The following RPS6KA6 variants were observed in gnomAD, a reference collection of about 807,000 sequenced individuals.
RPS6KA6 encodes the protein ribosomal protein S6 kinase alpha-6.
In RPS6KA6, 27 loss-of-function variants were observed where a neutral mutation model predicts 65.4. The ratio of observed to expected loss-of-function variants is 0.41; its 90% CI spans 0.30 to 0.57. The LOEUF is 0.57. Among genes scored for constraint, RPS6KA6 ranks in the 20% least tolerant of loss-of-function variants. The pLI is 0.24. For missense variants in RPS6KA6, 486 were observed against 555.6 expected, an observed-to-expected ratio of 0.87 and a Z score of 1.26; for synonymous variants, 190 against 184.2, an observed-to-expected ratio of 1.03 and a Z score of -0.26.
intron 1 of RPS6KA6, among the ~76,000 whole-genome samples, chrX:84,182,778 G>A (rs905528177): frequency 2.3e-4 from 26 of 111,608 alleles, no homozygotes; most frequent in African/African-American, 7.2e-4. Context: ...ACTCCTCCCC[G>A]CTTGTCTATT....
intron 18 of RPS6KA6, among the ~76,000 whole-genome samples, chrX:84,101,213 A>T (rs910182783): frequency 9.0e-6 from 1 of 111,430 alleles, no homozygotes; most frequent in Non-Finnish European, 1.9e-5. Context: ...TATCCATAAC[A>T]TATAAGAACA....
At chrX:84,179,105 T>C (rs1175403117) in intron 1 of RPS6KA6, among the ~76,000 whole-genome samples, 1 of 111,291 alleles carries the variant, frequency 9.0e-6, no homozygotes, top group Non-Finnish European at 1.9e-5. Context: ...TTCAAAAAAT[T>C]TGAAAAGACA....
In RPS6KA6 at chrX:84,180,923, T is replaced by C. The variant is rs181582676; in HGVS notation, c.81+6896A>G. Among the ~76,000 whole-genome samples the C allele has an allele frequency of 5.7e-3, 642 of 111,992 alleles. 4 individuals are homozygous for C. The highest frequency in any genetic ancestry group is 0.02 in the African/African-American group (618 of 30,903). ...AACTTGCATGTATCTTTCTATTCTG[T>C]TAAAAAGACATAACTGTCTTACCAA... On this transcript the variant is annotated intron_variant, in intron 1 of 21. Coordinates refer to ENST00000262752, the MANE Select transcript of RPS6KA6 (RefSeq NM_014496.5).
intron 1 of RPS6KA6, among the ~76,000 whole-genome samples, chrX:84,185,459 T>C (rs896632815): frequency 2.7e-5 from 3 of 111,915 alleles, no homozygotes; most frequent in African/African-American, 9.7e-5. Context: ...AAAATATAAG[T>C]ACCCTTAATA....
chrX:84,091,840 T>C (rs1319842042), intron 20 of RPS6KA6, among the ~76,000 whole-genome samples: 1 of 111,902 alleles, frequency 8.9e-6, no homozygotes, highest in Non-Finnish European at 1.9e-5. Flanking sequence ...ATATACACCA[T>C]GGAATACTAT....
intron 20 of RPS6KA6, among the ~76,000 whole-genome samples, chrX:84,076,974 CAAAAG>C: frequency 9.1e-6 from 1 of 110,032 alleles, no homozygotes; most frequent in Middle Eastern, 4.7e-3. Flanking sequence ...ATACTAGCAA[CAAAAG>C]AAAATAAAAT....
chrX:84,115,795 T>A (rs113581961), intron 12 of RPS6KA6, among the ~76,000 whole-genome samples: 5,639 of 111,591 alleles, frequency 0.051, 196 homozygotes, highest in East Asian at 0.2. Flanking sequence ...AAAATCATTA[T>A]CTTTGCAGCA....
chrX:84,167,294 G>T lies in RPS6KA6; in HGVS notation c.82-2907C>A, dbSNP rs894118138. On this transcript the variant is annotated intron_variant, in intron 1 of 21. Coordinates refer to ENST00000262752, the MANE Select transcript of RPS6KA6 (RefSeq NM_014496.5). ...CTTTATTTATCATTGTCATAAATTG[G>T]AAACAATCAAGATGGTCTTCAACTG... Among the ~76,000 whole-genome samples the T allele has an allele frequency of 5.8e-4, 65 of 111,799 alleles. 1 individual carries two copies. The highest frequency in any genetic ancestry group is 2.1e-3 in the African/African-American group (64 of 30,822).
At chrX:84,146,714 C>T (rs1167399537) in intron 5 of RPS6KA6, among the ~76,000 whole-genome samples, 3 of 111,715 alleles carry the variant, frequency 2.7e-5, no homozygotes, top group African/African-American at 9.7e-5. Flanking sequence ...TAGCAAAGTA[C>T]ATAAATACTA....
At chrX:84,181,504 T>C (rs752041899) in intron 1 of RPS6KA6, among the ~76,000 whole-genome samples, 2 of 112,421 alleles carry the variant, frequency 1.8e-5, no homozygotes, top group South Asian at 3.7e-4. Flanking sequence ...AATTCACAGA[T>C]AATTTACTGC....
At chrX:84,167,860 C>T (rs1054631251) in intron 1 of RPS6KA6, among the ~76,000 whole-genome samples, 1 of 110,277 alleles carries the variant, frequency 9.1e-6, no homozygotes, top group African/African-American at 3.3e-5. Context: ...GATGGTTACA[C>T]AACTCTATAC....
intron 8 of RPS6KA6, among the ~76,000 whole-genome samples, chrX:84,123,292 A>T (rs1277350231): frequency 8.9e-6 from 1 of 112,600 alleles, no homozygotes; most frequent in Non-Finnish European, 1.9e-5. Flanking sequence ...ACAGAAAAAG[A>T]TTCCTTCTGT....
chrX:84,147,042 C>A lies in RPS6KA6; in HGVS notation c.357G>T (p.Arg119=), dbSNP rs142731929. The stretch of plus-strand genomic sequence containing the variant: ...CCAGTATATCCCTCTCCATCTTTGT[C>A]CGAACTCTGTCTCGAACTAAAAATT... The part of the protein sequence containing the change: ...KASLKVRDRV[R]TKMERDILVE... The change falls in exon 5 of 22, where the codon CGG becomes CGT. Residue 119 remains arginine, a synonymous_variant. Transcript: ENST00000262752. 37 of 1,171,097 alleles carry A rather than the reference C, an allele frequency of 3.2e-5. No individual in the cohort carries two copies. The highest frequency in any genetic ancestry group is 3.9e-5 in the Non-Finnish European group (34 of 865,761).
chrX:84,069,178 A>G (rs1182225593), intron 20 of RPS6KA6, among the ~76,000 whole-genome samples: 1 of 112,162 alleles, frequency 8.9e-6, no homozygotes, highest in Non-Finnish European at 1.9e-5. Context: ...ACAAGGCTAC[A>G]GTAACCGAAA....
intron 20 of RPS6KA6, among the ~76,000 whole-genome samples, chrX:84,085,308 T>C (rs2033894826): frequency 8.9e-6 from 1 of 111,839 alleles, no homozygotes; most frequent in Admixed American, 9.5e-5. Context: ...CTTTTGCCCA[T>C]TCAGTATGAT....
At chrX:84,160,137 C>T (rs1369042317) in intron 2 of RPS6KA6, among the ~76,000 whole-genome samples, 3 of 111,067 alleles carry the variant, frequency 2.7e-5, no homozygotes, top group Non-Finnish European at 5.7e-5. Flanking sequence ...AAATAAGGAC[C>T]CCTAGTCTTT....
intron 6 of RPS6KA6, among the ~76,000 whole-genome samples, chrX:84,139,382 T>G (rs1346689041): frequency 1.8e-5 from 2 of 112,006 alleles, no homozygotes; most frequent in African/African-American, 6.5e-5. Context: ...TTTAACAAGG[T>G]CCTTTAAAGA....
intron 3 of RPS6KA6, among the ~76,000 whole-genome samples, chrX:84,152,046 A>G (rs1325065866): frequency 2.7e-5 from 3 of 111,512 alleles, no homozygotes; most frequent in Non-Finnish European, 5.7e-5. Flanking sequence ...CAAGCAAGGA[A>G]GAAAGAAAGA....
At chrX:84,089,715 C>T (rs964465453) in intron 20 of RPS6KA6, among the ~76,000 whole-genome samples, 7 of 111,140 alleles carry the variant, frequency 6.3e-5, no homozygotes, top group Non-Finnish European at 1.1e-4. Context: ...CCTTTGTCTC[C>T]GTGCCACTCT....
Sources: allele counts gnomAD v4.1 joint callset (sites outside exome capture counted in the v4.1 genomes callset), GRCh38; gene constraint gnomAD v4.1.1; transcripts MANE v1.5; gene names NCBI Gene and HGNC (gene_info 2026-07-23, HGNC 2026-07-21).